The following STK3 variants were observed in gnomAD, a reference collection of about 807,000 sequenced individuals.
STK3 encodes the protein serine/threonine kinase 3.
A neutral mutation model predicts 58.0 loss-of-function variants in STK3; 41 were observed. That is an observed-to-expected ratio of 0.71 (90% CI 0.55 to 0.92). The LOEUF (loss-of-function observed/expected upper bound fraction) is 0.92, where lower values mean the gene tolerates loss of function less well. STK3 is among the 40% of genes least tolerant of loss of function. The pLI is 0.00. For missense variants in STK3, 479 were observed against 602.7 expected, an observed-to-expected ratio of 0.79 and a Z score of 2.15; for synonymous variants, 170 against 191.0, an observed-to-expected ratio of 0.89 and a Z score of 0.91.
At chr8:98,488,384 G>A (rs184440636) in intron 10 of STK3, among the ~76,000 whole-genome samples, 32 of 152,278 alleles carry the variant, frequency 2.1e-4, no homozygotes, top group African/African-American at 7.2e-4. Flanking sequence ...CTTGTACGGT[G>A]CCTTAAATGC....
intron 6 of STK3, among the ~76,000 whole-genome samples, chr8:98,697,157 A>G (rs1039649011): frequency 6.6e-6 from 1 of 152,224 alleles, no homozygotes; most frequent in African/African-American, 2.4e-5. Context: ...AGGTGTTTGT[A>G]GTATTCTCTG....
rs182346199 is a variant in STK3 at position 98,575,096 on chromosome 8, T to C, written c.948+4568A>G. 4.2e-4 allele frequency among the ~76,000 whole-genome samples: 64 copies of C among 152,286 alleles called. No individual in the cohort carries two copies. In the Middle Eastern group the frequency reaches 0.01, roughly 24 times the overall value. ...GAAAGGAACTGGACCCAAGGAACAT[T>C]ATCTCTATCTGAATGTAATTTAGAA... On this transcript the variant is annotated intron_variant, in intron 8 of 10. Transcript: ENST00000419617.
chr8:98,724,430 A>G (rs562928805), intron 4 of STK3, among the ~76,000 whole-genome samples: 8 of 152,320 alleles, frequency 5.3e-5, no homozygotes, highest in Non-Finnish European at 1.2e-4. Context: ...AAAAATACAT[A>G]AAGTGCATTA....
Position 98,428,379 on chromosome 8 carries a change from A to C in STK3, n.483+5748T>G. The C allele has an allele frequency of 6.2e-7, 1 of 1,614,044 alleles. No individual in the cohort carries two copies. The highest frequency in any genetic ancestry group is 2.2e-5 in the East Asian group (1 of 44,874). On this transcript the variant is annotated intron_variant and non_coding_transcript_variant, in intron 3 of 3. Transcript: ENST00000517832. The surrounding 1 kb of genome is among the most constrained non-coding windows in gnomAD (Gnocchi z 6.7). ...CCGCAAAGTAGAGCCCGAGCAGGAGAAGTGGGACGAGCAGAGTGACCAGGA... is the reference window on the plus strand; with the variant it reads ...CCGCAAAGTAGAGCCCGAGCAGGAGCAGTGGGACGAGCAGAGTGACCAGGA...
chr8:98,462,352 C>T (rs1563625704), intron 10 of STK3, among the ~76,000 whole-genome samples: 1 of 152,014 alleles, frequency 6.6e-6, no homozygotes, highest in African/African-American at 2.4e-5. Flanking sequence ...CATTCGTGTG[C>T]CATATCTGTT....
chr8:98,888,331 T>A (rs999065519), intron 1 of STK3, among the ~76,000 whole-genome samples: 14 of 151,948 alleles, frequency 9.2e-5, no homozygotes, highest in Middle Eastern at 3.4e-3. Context: ...AAATAAAAAA[T>A]TTTAAAATAA....
chr8:98,834,083 T>TC (rs1835654974), intron 3 of STK3, among the ~76,000 whole-genome samples: 1 of 152,230 alleles, frequency 6.6e-6, no homozygotes. Context: ...AGCTATGTAT[T>TC]CATCTCTTAA....
intron 3 of STK3, among the ~76,000 whole-genome samples, chr8:98,394,922 C>A (rs1228886546): frequency 1.3e-5 from 2 of 152,176 alleles, no homozygotes; most frequent in Non-Finnish European, 2.9e-5. Flanking sequence ...CAGCAGGGAT[C>A]CTGTCATTTC....
chr8:98,654,958 T>C (rs1821350106), intron 6 of STK3, among the ~76,000 whole-genome samples: 1 of 152,084 alleles, frequency 6.6e-6, no homozygotes, highest in Admixed American at 6.6e-5. Context: ...TACCAGTGAC[T>C]TTCTTCACAG....
At chr8:98,379,387 A>G (rs1267817419) in intron 1 of STK3, among the ~76,000 whole-genome samples, 1 of 152,220 alleles carries the variant, frequency 6.6e-6, no homozygotes, top group African/African-American at 2.4e-5. Flanking sequence ...GTTTCTTTTC[A>G]GGCTCTGTAG....
At chr8:98,444,311 C>G (rs1204093409) in intron 1 of STK3, among the ~76,000 whole-genome samples, 2 of 152,108 alleles carry the variant, frequency 1.3e-5, no homozygotes, top group Non-Finnish European at 2.9e-5. Flanking sequence ...AAAGGAATGT[C>G]AAGAGATGAG....
chr8:98,706,734 C>T (rs1022913256), intron 5 of STK3, 100 bp from the exon 6 acceptor site: 44 of 1,246,588 alleles, frequency 3.5e-5, no homozygotes, highest in South Asian at 7.3e-5. Flanking sequence ...TCCAATGCCA[C>T]AGATTATATC....
At chr8:98,555,480 C>A (rs934220255) in intron 8 of STK3, among the ~76,000 whole-genome samples, 1 of 151,984 alleles carries the variant, frequency 6.6e-6, no homozygotes. Context: ...GTGTCCTAAA[C>A]GGAAAATATT....
At chr8:98,750,133 C>T (rs1829880828) in intron 3 of STK3, among the ~76,000 whole-genome samples, 1 of 152,038 alleles carries the variant, frequency 6.6e-6, no homozygotes, top group Admixed American at 6.6e-5. Context: ...CTAAATAGGA[C>T]ACAACTTTAA....
chr8:98,443,823 T>C (rs985973563), intron 1 of STK3, among the ~76,000 whole-genome samples: 3 of 152,270 alleles, frequency 2.0e-5, no homozygotes, highest in Non-Finnish European at 4.4e-5. Context: ...ATATTTCAAA[T>C]GTAGTTTTAA....
chr8:98,707,909 C>T (rs2131077469), intron 4 of STK3, among the ~76,000 whole-genome samples: 1 of 152,094 alleles, frequency 6.6e-6, no homozygotes, highest in Admixed American at 6.5e-5. Context: ...GAGGCTGAGG[C>T]GAGCAGATCA....
At chr8:98,475,294 G>C (rs1411158537) in intron 10 of STK3, among the ~76,000 whole-genome samples, 2 of 152,182 alleles carry the variant, frequency 1.3e-5, no homozygotes, top group African/African-American at 4.8e-5. Flanking sequence ...GCTTAAGTGT[G>C]TGCATGATCT....
At chr8:98,918,117 A>G (rs1414881432) in intron 1 of STK3, among the ~76,000 whole-genome samples, 1 of 152,218 alleles carries the variant, frequency 6.6e-6, no homozygotes, top group African/African-American at 2.4e-5. Flanking sequence ...AAATCAATCA[A>G]TGTTTGTTCC....
chr8:98,645,631 G>C (rs184474218), intron 6 of STK3, among the ~76,000 whole-genome samples: 1 of 152,256 alleles, frequency 6.6e-6, no homozygotes, highest in African/African-American at 2.4e-5. Context: ...TTATGACAGA[G>C]TGTGTGATTC....
Sources: allele counts gnomAD v4.1 joint callset (sites outside exome capture counted in the v4.1 genomes callset), GRCh38; gene constraint gnomAD v4.1.1; non-coding constraint Gnocchi (gnomAD v3.1); transcripts MANE v1.5; gene names NCBI Gene and HGNC (gene_info 2026-07-23, HGNC 2026-07-21).